The following COG6 variants were observed in gnomAD, a reference collection of about 807,000 sequenced individuals.
COG6 encodes the protein component of oligomeric golgi complex 6.
In COG6, 74 loss-of-function variants were observed where a neutral mutation model predicts 88.8. The ratio of observed to expected loss-of-function variants is 0.83; its 90% CI spans 0.69 to 1.01. The LOEUF is 1.01. Among genes scored for constraint, COG6 ranks in the 50% least tolerant of loss-of-function variants. COG6 has a pLI of 0.00. For missense variants in COG6, 800 were observed against 797.9 expected (o/e 1.00, Z -0.03); for synonymous variants, 286 against 278.7 (o/e 1.03, Z -0.26).
At chr13:39,692,127 G>A (rs781288240) in intron 11 of COG6, among the ~76,000 whole-genome samples, 6 of 152,018 alleles carry the variant, frequency 3.9e-5, no homozygotes, top group Non-Finnish European at 7.4e-5. Context: ...GATAAGATCT[G>A]TAAACCTATT....
At chr13:39,773,798 A>G (rs1218178920) in intron 18 of COG6, among the ~76,000 whole-genome samples, 1 of 152,072 alleles carries the variant, frequency 6.6e-6, no homozygotes, top group African/African-American at 2.4e-5. Context: ...TGGATAGCAC[A>G]TGTAAAACCT....
At chr13:39,707,081 G>A (rs961288350) in intron 13 of COG6, among the ~76,000 whole-genome samples, 3 of 151,254 alleles carry the variant, frequency 2.0e-5, no homozygotes, top group African/African-American at 7.3e-5. Flanking sequence ...ATAATGACTT[G>A]ATGTTTAGTA....
intron 11 of COG6, among the ~76,000 whole-genome samples, chr13:39,691,367 G>A (rs954798955): frequency 5.3e-5 from 8 of 151,978 alleles, no homozygotes; most frequent in African/African-American, 1.9e-4. Flanking sequence ...TACCCAGAAA[G>A]ATCTTTATGG....
chr13:39,745,792 A>G (rs1448105244), intron 18 of COG6, among the ~76,000 whole-genome samples: 1 of 152,190 alleles, frequency 6.6e-6, no homozygotes, highest in Non-Finnish European at 1.5e-5. Context: ...ACGTATGTTT[A>G]TTGAGGCACT....
chr13:39,773,602 T>C (rs994693951), intron 18 of COG6, among the ~76,000 whole-genome samples: 13 of 152,354 alleles, frequency 8.5e-5, no homozygotes, highest in African/African-American at 2.9e-4. Flanking sequence ...GGAGTTACTC[T>C]ATTTAGAGAG....
At chr13:39,656,781 T>A (rs1490606819) in intron 1 of COG6, 2 of 455,282 alleles carry the variant, frequency 4.4e-6, no homozygotes, top group African/African-American at 4.0e-5. Flanking sequence ...AATGTGTGCA[T>A]CATGATTTGA....
At chr13:39,724,475 T>A in intron 16 of COG6, 33 bp from the exon 17 acceptor site, 1 of 1,455,052 alleles carries the variant, frequency 6.9e-7, no homozygotes, top group South Asian at 1.2e-5. Flanking sequence ...TTTTACATCT[T>A]GGATCTGCTT....
chr13:39,788,090 G>A (rs981578163), intron 18 of COG6, among the ~76,000 whole-genome samples: 13 of 152,158 alleles, frequency 8.5e-5, no homozygotes, highest in South Asian at 8.3e-4. Context: ...GAATTTTCTC[G>A]AAATGCCATG....
chr13:39,737,961 A>T (rs951883705), intron 18 of COG6, among the ~76,000 whole-genome samples: 7 of 152,110 alleles, frequency 4.6e-5, no homozygotes, highest in African/African-American at 7.2e-5. Context: ...GCTACGTCCC[A>T]CAATCACTCT....
chr13:39,679,322 A>G (rs184788693), intron 5 of COG6: 3 of 544,874 alleles, frequency 5.5e-6, no homozygotes, highest in East Asian at 3.2e-5. Context: ...TATTTGGCAC[A>G]TAGTAGAAAC....
chr13:39,689,376 A>C (rs1254222238), intron 10 of COG6, among the ~76,000 whole-genome samples: 1 of 152,204 alleles, frequency 6.6e-6, no homozygotes, highest in Non-Finnish European at 1.5e-5. Context: ...TGTGCTAAGC[A>C]GCACTGCCTG....
At chr13:39,694,499 A>C in intron 11 of COG6, 135 bp from the exon 12 acceptor site, 1 of 564,536 alleles carries the variant, frequency 1.8e-6, no homozygotes, top group Non-Finnish European at 3.2e-6. Context: ...CTACTCAGAA[A>C]TTATTTAGGA....
At chr13:39,729,001 C>G (rs1262930804) in intron 18 of COG6, among the ~76,000 whole-genome samples, 2 of 152,086 alleles carry the variant, frequency 1.3e-5, no homozygotes, top group Non-Finnish European at 2.9e-5. Context: ...AACTGAATAC[C>G]TGTAATTCTT....
intron 10 of COG6, among the ~76,000 whole-genome samples, chr13:39,689,377 G>T (rs1232442249): frequency 6.6e-6 from 1 of 152,142 alleles, no homozygotes; most frequent in Non-Finnish European, 1.5e-5. Flanking sequence ...GTGCTAAGCA[G>T]CACTGCCTGG....
At chr13:39,704,912 AC>A (rs1566187446) in intron 13 of COG6, among the ~76,000 whole-genome samples, 2 of 152,206 alleles carry the variant, frequency 1.3e-5, no homozygotes, top group African/African-American at 4.8e-5. Flanking sequence ...AGTTATTTTT[AC>A]ATTAGATTGC....
chr13:39,739,726 C>A (rs3000480), intron 18 of COG6, among the ~76,000 whole-genome samples: 151,789 of 152,266 alleles, frequency 1, 75,659 homozygotes, highest in Non-Finnish European at 1. Flanking sequence ...CTTTTCATTA[C>A]AGTTCAAAAC....
At chr13:39,788,075 G>C (rs1881829724) in intron 18 of COG6, among the ~76,000 whole-genome samples, 1 of 152,120 alleles carries the variant, frequency 6.6e-6, no homozygotes. Context: ...TTACATTTTG[G>C]CATGGAATTT....
rs1240212787 is a variant in COG6 at position 39,677,483 on chromosome 13, A to G, written c.444A>G (p.Ile148Met). 3.1e-6 allele frequency: 5 copies of G among 1,608,426 alleles called. 1 individual carries two copies. Among genetic ancestry groups the G allele is most frequent in the Non-Finnish European group, 4.3e-6 (5 of 1,175,160 alleles). Reference protein sequence around the residue: ...KLQSESQKLEIRAQVADAFLS... With the variant: ...KLQSESQKLEMRAQVADAFLS... ...AAAATTACAGCCAAAAATTAGAGAT[A>G]AGAGCTCAAGTTGCAGATGCCTTCT... Residue 148 changes from isoleucine to methionine, a missense_variant, in exon 5 of 19, where the codon ATA becomes ATG. Physicochemically the swap from Ile to Met is conservative, Grantham distance 10. Coordinates refer to ENST00000455146, the MANE Select transcript of COG6 (RefSeq NM_020751.3).
chr13:39,734,226 G>T (rs1879613283), intron 18 of COG6, among the ~76,000 whole-genome samples: 1 of 151,364 alleles, frequency 6.6e-6, no homozygotes, highest in South Asian at 2.1e-4. Flanking sequence ...ACTTTTTTTT[G>T]TAGGCACTTA....
Sources: gnomAD v4.1 joint callset for allele counts (sites outside exome capture counted in the v4.1 genomes callset) on GRCh38, gnomAD v4.1.1 for gene constraint, MANE v1.5 for transcripts, NCBI Gene and HGNC (gene_info 2026-07-23, HGNC 2026-07-21) for gene names.